Variants in CNTNAP2 observed in about 807,000 individuals in gnomAD.
CNTNAP2 encodes the protein contactin-associated protein-like 2.
Under a neutral mutation model 155.2 loss-of-function variants are expected in CNTNAP2, and 98 were observed. The observed-to-expected ratio is 0.63, with a 90% CI of 0.54 to 0.75. The LOEUF (loss-of-function observed/expected upper bound fraction) is 0.75, where lower values mean the gene tolerates loss of function less well. Ranked by LOEUF, CNTNAP2 falls within the 30% of genes least tolerant of loss-of-function variation. CNTNAP2 has a pLI of 0.00. For synonymous variants in CNTNAP2, 651 were observed against 631.2 expected, an observed-to-expected ratio of 1.03 and a Z score of -0.47; for missense variants, 1,727 against 1,688.1, an observed-to-expected ratio of 1.02 and a Z score of -0.40.
intron 1 of CNTNAP2, among the ~76,000 whole-genome samples, chr7:146,181,777 C>G (rs1436611654): frequency 6.6e-6 from 1 of 152,098 alleles, no homozygotes; most frequent in South Asian, 2.1e-4. Context: ...TTTTCTAAGT[C>G]TTGTCCCACA....
rs1006145891 is a variant in CNTNAP2, at chr7:146,320,967, T to C, written c.97+203994T>C. Among the ~76,000 whole-genome samples, 11 of 152,228 alleles carry C rather than the reference T, an allele frequency of 7.2e-5. 1 individual carries two copies. The East Asian group carries it at 1.5e-3, about 21-fold the overall frequency. On this transcript the variant is annotated intron_variant, in intron 1 of 23. Coordinates refer to ENST00000361727, the MANE Select transcript of CNTNAP2 (RefSeq NM_014141.6). ...AGATATCAGTTAAGGGCTATTAAAATTACTTTTGTTCTAGAGTTCTTATCA... is the reference window on the plus strand; with the variant it reads ...AGATATCAGTTAAGGGCTATTAAAACTACTTTTGTTCTAGAGTTCTTATCA...
At chr7:148,069,580 G>A (rs963158770) in intron 15 of CNTNAP2, among the ~76,000 whole-genome samples, 1 of 152,046 alleles carries the variant, frequency 6.6e-6, no homozygotes, top group African/African-American at 2.4e-5. Context: ...GGCTAACACG[G>A]TGAAACCCCG....
intron 11 of CNTNAP2, among the ~76,000 whole-genome samples, chr7:147,515,401 C>A (rs552238601): frequency 2.6e-4 from 39 of 149,064 alleles, no homozygotes; most frequent in African/African-American, 9.1e-4. Context: ...CGGCTCACTG[C>A]AACCTCCACC....
intron 1 of CNTNAP2, among the ~76,000 whole-genome samples, chr7:146,483,294 T>TAC (rs1796999425): frequency 3.4e-5 from 2 of 59,640 alleles, no homozygotes; most frequent in Non-Finnish European, 6.0e-5. Context: ...TATATATATA[T>TAC]ATATATATAT....
At chr7:148,344,532 C>G (rs1004719080) in intron 21 of CNTNAP2, among the ~76,000 whole-genome samples, 2 of 152,158 alleles carry the variant, frequency 1.3e-5, no homozygotes, top group Non-Finnish European at 2.9e-5. Flanking sequence ...CACAAGCAGT[C>G]CTGTAGTTGC....
intron 3 of CNTNAP2, among the ~76,000 whole-genome samples, chr7:146,921,192 A>G (rs1013431463): frequency 2.6e-5 from 4 of 152,190 alleles, no homozygotes; most frequent in Non-Finnish European, 4.4e-5. Flanking sequence ...AGACTGTTCT[A>G]TGTCTTGATT....
chr7:146,445,506 A>C (rs1450927736), intron 1 of CNTNAP2, among the ~76,000 whole-genome samples: 1 of 152,194 alleles, frequency 6.6e-6, no homozygotes, highest in Non-Finnish European at 1.5e-5. Flanking sequence ...GATCAGTGGA[A>C]GACTTAAGTA....
At chr7:147,563,433 A>G (rs944601364) in intron 12 of CNTNAP2, among the ~76,000 whole-genome samples, 7 of 152,048 alleles carry the variant, frequency 4.6e-5, no homozygotes, top group African/African-American at 1.7e-4. Context: ...GGTCGAGACC[A>G]TTCTGGCCAA....
intron 21 of CNTNAP2, among the ~76,000 whole-genome samples, chr7:148,373,729 A>G (rs995341741): frequency 1.3e-5 from 2 of 152,194 alleles, no homozygotes; most frequent in African/African-American, 4.8e-5. Context: ...GGCCTCTCTC[A>G]GTGCTCTCCC....
intron 18 of CNTNAP2, among the ~76,000 whole-genome samples, chr7:148,198,226 C>T (rs1477607633): frequency 1.3e-5 from 2 of 152,156 alleles, no homozygotes; most frequent in African/African-American, 4.8e-5. Flanking sequence ...CCTGTTCTTT[C>T]TCTTTTGAAG....
In CNTNAP2 at chr7:147,808,277, G is replaced by A. The variant is rs851664; in HGVS notation, c.2099-95288G>A. ...GCTGGGACCCATAACATCGAGGCCC[G>A]GAAAGGGCAGCGTCACTTCTATAGC... On this transcript the variant is annotated intron_variant, in intron 13 of 23. Coordinates refer to ENST00000361727, the MANE Select transcript of CNTNAP2 (RefSeq NM_014141.6). 5.3e-3 allele frequency among the ~76,000 whole-genome samples: 803 copies of A among 152,230 alleles called. 7 individuals are homozygous for A. Among genetic ancestry groups the A allele is most frequent in the African/African-American group, 0.018 (751 of 41,548 alleles).
chr7:146,712,129 T>C (rs37048), intron 1 of CNTNAP2, among the ~76,000 whole-genome samples: 52 of 120,872 alleles, frequency 4.3e-4, no homozygotes, highest in Admixed American at 2.0e-3. Flanking sequence ...TATGTATACA[T>C]ATCTTATGTA....
chr7:147,289,345 A>G (rs1805250650), intron 8 of CNTNAP2, among the ~76,000 whole-genome samples: 1 of 152,144 alleles, frequency 6.6e-6, no homozygotes, highest in Non-Finnish European at 1.5e-5. Flanking sequence ...GAAGCCAACA[A>G]TAGCTTCCTA....
chr7:147,758,395 C>T (rs1338578283), intron 13 of CNTNAP2, among the ~76,000 whole-genome samples: 1 of 152,206 alleles, frequency 6.6e-6, no homozygotes, highest in Non-Finnish European at 1.5e-5. Context: ...GACATTCCTA[C>T]TGCTTTCTCT....
At chr7:147,957,500 A>G (rs556778282) in intron 14 of CNTNAP2, among the ~76,000 whole-genome samples, 1 of 152,272 alleles carries the variant, frequency 6.6e-6, no homozygotes, top group East Asian at 1.9e-4. Flanking sequence ...GATAATGACT[A>G]AGTCAAGGGT....
At chr7:148,183,631 G>A (rs1453075922) in intron 18 of CNTNAP2, among the ~76,000 whole-genome samples, 1 of 151,790 alleles carries the variant, frequency 6.6e-6, no homozygotes, top group East Asian at 1.9e-4. Flanking sequence ...ATAGGCATGT[G>A]CTACCATACC....
chr7:147,006,218 G>T (rs1232940678), intron 3 of CNTNAP2, among the ~76,000 whole-genome samples: 1 of 151,944 alleles, frequency 6.6e-6, no homozygotes, highest in Non-Finnish European at 1.5e-5. Context: ...TGGGCTTCTG[G>T]GCAAGGGGTA....
chr7:148,391,122 C>G (rs1585334528), intron 22 of CNTNAP2, among the ~76,000 whole-genome samples: 1 of 152,186 alleles, frequency 6.6e-6, no homozygotes, highest in East Asian at 1.9e-4. Context: ...TGTATTTTAC[C>G]TTATAATAAA....
At chr7:146,771,550 A>G (rs1802292827) in intron 1 of CNTNAP2, among the ~76,000 whole-genome samples, 1 of 152,238 alleles carries the variant, frequency 6.6e-6, no homozygotes, top group Non-Finnish European at 1.5e-5. Context: ...TGATACTTTT[A>G]AAACAAATTT....
Sources: gnomAD v4.1 joint callset for allele counts (sites outside exome capture counted in the v4.1 genomes callset) on GRCh38, gnomAD v4.1.1 for gene constraint, MANE v1.5 for transcripts, NCBI Gene and HGNC (gene_info 2026-07-23, HGNC 2026-07-21) for gene names.